The following MCF2L variants were observed in gnomAD, a reference collection of about 807,000 sequenced individuals.
The protein encoded by MCF2L is guanine nucleotide exchange factor DBS.
In MCF2L, 97 loss-of-function variants were observed where a neutral mutation model predicts 153.4. That is an observed-to-expected ratio of 0.63 (90% CI 0.54 to 0.75). The LOEUF is 0.75. Among genes scored for constraint, MCF2L ranks in the 30% least tolerant of loss-of-function variants. The pLI is 0.00. For synonymous variants in MCF2L, 659 were observed against 632.2 expected (o/e 1.04, Z -0.64); for missense variants, 1,347 against 1,495.2 (o/e 0.90, Z 1.64).
At position 113,046,612 on chromosome 13, in the gene MCF2L, T is replaced by C. The variant is rs1047493146; in HGVS notation, c.369+1251T>C. The C allele has an allele frequency of 1.9e-6, 1 of 533,326 alleles. No homozygotes were observed. The highest frequency in any genetic ancestry group is 3.8e-6 in the Non-Finnish European group (1 of 259,898). 33.0% of individuals were successfully genotyped at this position (533,326 alleles called of 1,614,324 possible). Reference sequence around the variant, plus strand: ...TCTTTTACAAGAATTAGAGGCCCCATATCTGCTCCGATGCCCACAACCTTC... The same window carrying C: ...TCTTTTACAAGAATTAGAGGCCCCACATCTGCTCCGATGCCCACAACCTTC... On this transcript the variant is annotated intron_variant, in intron 4 of 29. Coordinates refer to ENST00000535094, the MANE Select transcript of MCF2L (RefSeq NM_001112732.3). This position sits in a 1 kb window ranked among gnomAD's most constrained non-coding sequence, Gnocchi z 4.4.
At chr13:113,018,846 C>T (rs1219629118) in intron 2 of MCF2L, among the ~76,000 whole-genome samples, 2 of 152,232 alleles carry the variant, frequency 1.3e-5, no homozygotes, top group Admixed American at 1.3e-4. Flanking sequence ...ACGGCGGCCC[C>T]CCTCCCACTG....
intron 26 of MCF2L, chr13:113,090,206 C>T (rs1196129937): frequency 1.3e-6 from 2 of 1,489,476 alleles, no homozygotes; most frequent in Admixed American, 4.1e-5. Context: ...GTGGTGGCGT[C>T]TGTCATGCAT....
intron 1 of MCF2L, among the ~76,000 whole-genome samples, chr13:112,982,605 G>A (rs1024862037): frequency 4.6e-5 from 7 of 152,170 alleles, no homozygotes; most frequent in African/African-American, 1.4e-4. Context: ...GGTGGGAGGC[G>A]GGCGTCACAG....
intron 2 of MCF2L, among the ~76,000 whole-genome samples, chr13:113,022,587 G>GCTGCGGC (rs2084954256): frequency 6.6e-6 from 1 of 152,260 alleles, no homozygotes; most frequent in Admixed American, 6.5e-5. Context: ...GCAGGCGCAG[G>GCTGCGGC]CTGCGGCCGT....
At chr13:112,927,749 G>C (rs1339877673) in intron 2 of MCF2L, among the ~76,000 whole-genome samples, 1 of 152,014 alleles carries the variant, frequency 6.6e-6, no homozygotes, top group African/African-American at 2.4e-5. Flanking sequence ...GAAATACCGG[G>C]GACAGAGGCA....
At chr13:112,979,811 C>T (rs2082341615) in intron 1 of MCF2L, 2 of 1,528,450 alleles carry the variant, frequency 1.3e-6, no homozygotes, top group African/African-American at 1.4e-5. Context: ...GTCCCCTCTG[C>T]AGGTGTCCTC....
chr13:113,045,211 T>C lies in MCF2L; in HGVS notation c.279-60T>C. On this transcript the variant is annotated intron_variant, in intron 3 of 29. Coordinates refer to ENST00000535094, the MANE Select transcript of MCF2L (RefSeq NM_001112732.3). The surrounding 1 kb of genome is among the most constrained non-coding windows in gnomAD (Gnocchi z 4.2). Reference sequence around the variant, plus strand: ...CTCCCAAGAGGTTTTCTGAGGGATTTCGTGGGCAGCCGGCTTCCCACCTGC... The same window carrying C: ...CTCCCAAGAGGTTTTCTGAGGGATTCCGTGGGCAGCCGGCTTCCCACCTGC... 1.5e-6 allele frequency: 2 copies of C among 1,350,206 alleles called. No homozygotes were observed. The allele number at this position is 1,350,206 out of a possible 1,614,324, so 83.6% of individuals were successfully genotyped here.
At chr13:113,004,850 C>T (rs769791006) in intron 1 of MCF2L, among the ~76,000 whole-genome samples, 19 of 152,330 alleles carry the variant, frequency 1.2e-4, no homozygotes, top group East Asian at 1.9e-4. Context: ...CTGGACCTTA[C>T]GAAGACAAGT....
intron 1 of MCF2L, among the ~76,000 whole-genome samples, chr13:112,976,252 AT>A (rs2082211284): frequency 6.6e-6 from 1 of 151,956 alleles, no homozygotes; most frequent in African/African-American, 2.4e-5. Context: ...AATGAGACAA[AT>A]CCCCAAAGCA....
chr13:113,081,359 G>A lies in MCF2L; in HGVS notation c.1875+80G>A, dbSNP rs952698502. The A allele has an allele frequency of 5.2e-6, 7 of 1,352,606 alleles. No individual in the cohort carries two copies. The African/African-American group carries it at 8.6e-5, about 17-fold the overall frequency. The allele number at this position is 1,352,606 out of a possible 1,614,324, so 83.8% of individuals were successfully genotyped here. A position where few individuals can be genotyped will look rare whatever the true frequency, so the allele number is the denominator to read the frequency against. On this transcript the variant is annotated intron_variant, in intron 16 of 29. Coordinates refer to ENST00000535094, the MANE Select transcript of MCF2L (RefSeq NM_001112732.3). ...GGTGGGGCTTCCTCTGACAACTGCT[G>A]CTCGGAGCAGCCTGCTGTCCACCAA...
intron 12 of MCF2L, among the ~76,000 whole-genome samples, chr13:113,076,699 A>G (rs1309429835): frequency 6.6e-6 from 1 of 152,252 alleles, no homozygotes; most frequent in Non-Finnish European, 1.5e-5. Context: ...CTCCGCTGGC[A>G]GACTTTGTGG....
At chr13:113,086,072 G>C in intron 20 of MCF2L, 52 bp from the exon 21 acceptor site, 1 of 1,563,908 alleles carries the variant, frequency 6.4e-7, no homozygotes, top group Non-Finnish European at 8.7e-7. Context: ...TGTTCCAGGG[G>C]AGCCAGGGCT....
At chr13:113,077,821 G>A (rs1053341297) in intron 13 of MCF2L, among the ~76,000 whole-genome samples, 3 of 152,146 alleles carry the variant, frequency 2.0e-5, no homozygotes, top group Non-Finnish European at 2.9e-5. Flanking sequence ...TCTCACACAC[G>A]AACCCACCAG....
At chr13:112,920,700 G>T (rs1176250033) in intron 2 of MCF2L, among the ~76,000 whole-genome samples, 1 of 148,520 alleles carries the variant, frequency 6.7e-6, no homozygotes, top group African/African-American at 2.5e-5. Context: ...TGGGTTGTGG[G>T]TGGGTGCTGG....
intron 2 of MCF2L, among the ~76,000 whole-genome samples, chr13:112,915,511 T>A (rs1007631910): frequency 6.6e-6 from 1 of 151,928 alleles, no homozygotes; most frequent in Non-Finnish European, 1.5e-5. Flanking sequence ...CTGGACTCCC[T>A]GTTCTGTCTC....
intron 4 of MCF2L, among the ~76,000 whole-genome samples, chr13:113,056,563 G>A (rs572062285): frequency 4.1e-5 from 6 of 147,006 alleles, no homozygotes; most frequent in South Asian, 4.5e-4. Context: ...CTGAGTGGGC[G>A]CTGAGTGTTT....
At chr13:112,906,368 A>G (rs759681425) in intron 2 of MCF2L, among the ~76,000 whole-genome samples, 8 of 152,216 alleles carry the variant, frequency 5.3e-5, no homozygotes, top group Non-Finnish European at 1.2e-4. Context: ...CAGGATTTGC[A>G]GGTGAATGGG....
In MCF2L at chr13:112,993,563, G is replaced by A. The variant is rs1299825070; in HGVS notation, c.80-21200G>A. ...AGCCACAGAAGTGGCAGTGGGAGGG[G>A]AGGGGGAGGGTGCCTGGAGAGAGGT... On this transcript the variant is annotated intron_variant, in intron 1 of 29. Transcript: ENST00000535094. The surrounding 1 kb of genome is among the most constrained non-coding windows in gnomAD (Gnocchi z 4.6). 6.6e-6 allele frequency among the ~76,000 whole-genome samples: 1 copy of A among 152,154 alleles called. No individual in the cohort carries two copies. Among genetic ancestry groups the A allele is most frequent in the Non-Finnish European group, 1.5e-5 (1 of 68,040 alleles).
chr13:112,909,260 G>C (rs371178970), intron 2 of MCF2L: 6 of 779,598 alleles, frequency 7.7e-6, no homozygotes, highest in Admixed American at 5.1e-5. Context: ...CAGAGGTCTC[G>C]GCATCTCGTC....
Sources: gnomAD v4.1 joint callset for allele counts (sites outside exome capture counted in the v4.1 genomes callset) on GRCh38, gnomAD v4.1.1 for gene constraint, Gnocchi (gnomAD v3.1) non-coding constraint, MANE v1.5 for transcripts, NCBI Gene and HGNC (gene_info 2026-07-23, HGNC 2026-07-21) for gene names.